Variants in GRIK1 observed in about 807,000 individuals in gnomAD.
The protein encoded by GRIK1 is glutamate ionotropic receptor kainate type subunit 1.
A neutral mutation model predicts 105.7 loss-of-function variants in GRIK1; 69 were observed. That is an observed-to-expected ratio of 0.65 (90% CI 0.54 to 0.80). The LOEUF (loss-of-function observed/expected upper bound fraction) is 0.80, where lower values mean the gene tolerates loss of function less well. Ranked by LOEUF, GRIK1 falls within the 30% of genes least tolerant of loss-of-function variation. The probability of loss-of-function intolerance (pLI) is 0.00; values close to 1 mark genes in which losing one functional copy is unlikely to be tolerated. For synonymous variants in GRIK1, 438 were observed against 431.3 expected, an observed-to-expected ratio of 1.02 and a Z score of -0.19; for missense variants, 1,109 against 1,167.3, an observed-to-expected ratio of 0.95 and a Z score of 0.73.
intron 16 of GRIK1, among the ~76,000 whole-genome samples, chr21:29,544,883 A>G (rs908362655): frequency 6.6e-6 from 1 of 152,196 alleles, no homozygotes; most frequent in Admixed American, 6.5e-5. Context: ...GCCAAGGGAG[A>G]TCTGAGGAGG....
chr21:29,686,576 T>A (rs2063490098), intron 3 of GRIK1, among the ~76,000 whole-genome samples: 1 of 152,242 alleles, frequency 6.6e-6, no homozygotes, highest in South Asian at 2.1e-4. Flanking sequence ...AGGCCAAACC[T>A]AGCCCAGCAT....
intron 1 of GRIK1, among the ~76,000 whole-genome samples, chr21:29,702,400 TG>T (rs1233283454): frequency 2.0e-5 from 3 of 152,106 alleles, no homozygotes; most frequent in Admixed American, 6.5e-5. Flanking sequence ...GATAGAAATT[TG>T]GGAGTCACCA....
chr21:29,681,391 A>G (rs1026105087), intron 3 of GRIK1, among the ~76,000 whole-genome samples: 1 of 150,776 alleles, frequency 6.6e-6, no homozygotes, highest in African/African-American at 2.4e-5. Flanking sequence ...CGTCTCTTCT[A>G]TCTCCCCTCC....
chr21:29,862,723 A>G (rs2068686466), intron 1 of GRIK1, among the ~76,000 whole-genome samples: 1 of 152,258 alleles, frequency 6.6e-6, no homozygotes, highest in African/African-American at 2.4e-5. Context: ...AAGCAATAGC[A>G]AACATTCAGT....
At chr21:29,690,133 T>C (rs1368150421) in intron 2 of GRIK1, 148 bp from the exon 3 acceptor site, 1 of 673,790 alleles carries the variant, frequency 1.5e-6, no homozygotes, top group Non-Finnish European at 2.5e-6. Context: ...TGTCTGCATA[T>C]TGAGGAAATA....
At chr21:29,829,014 G>A (rs1263302416) in intron 1 of GRIK1, among the ~76,000 whole-genome samples, 1 of 152,010 alleles carries the variant, frequency 6.6e-6, no homozygotes, top group Non-Finnish European at 1.5e-5. Flanking sequence ...AAATTTCAGG[G>A]GTCTACTGCC....
chr21:29,594,843 T>C (rs2243508), intron 9 of GRIK1, among the ~76,000 whole-genome samples: 75,868 of 151,980 alleles, frequency 0.5, 21,387 homozygotes, highest in African/African-American at 0.76. Context: ...ACAAATATTT[T>C]AGTGAGGGAT....
Position 29,541,575 on chromosome 21 carries a change from CTT to C in GRIK1, c.2608-3693_2608-3692del, listed in dbSNP as rs34910439. Among the ~76,000 whole-genome samples, 546 of 95,938 alleles carry C rather than the reference CTT, an allele frequency of 5.7e-3. 7 individuals carry two copies. Among genetic ancestry groups the C allele is most frequent in the East Asian group, 0.017 (55 of 3,152 alleles). 62.9% of individuals were successfully genotyped at this position (95,938 alleles called of 152,430 possible). On this transcript the variant is annotated intron_variant, in intron 16 of 17. Transcript: ENST00000327783. ...CTATGCCATTCATTGCACTCACGGTCTTTTTTTTTTTTTTTTTTTTTGTGGGA... is the reference window on the plus strand; with the variant it reads ...CTATGCCATTCATTGCACTCACGGTCTTTTTTTTTTTTTTTTTTTGTGGGA...
intron 1 of GRIK1, among the ~76,000 whole-genome samples, chr21:29,739,669 T>C (rs2146932086): frequency 6.6e-6 from 1 of 152,308 alleles, no homozygotes; most frequent in African/African-American, 2.4e-5. Context: ...TTTTGAACAA[T>C]ATGTAAACAA....
intron 1 of GRIK1, among the ~76,000 whole-genome samples, chr21:29,855,810 G>A (rs1034819080): frequency 2.0e-5 from 3 of 152,268 alleles, no homozygotes; most frequent in African/African-American, 7.2e-5. Flanking sequence ...TAACTGATTG[G>A]TGATGTTTTT....
intron 1 of GRIK1, among the ~76,000 whole-genome samples, chr21:29,889,140 A>T (rs573267650): frequency 9.8e-4 from 150 of 152,328 alleles, no homozygotes; most frequent in Non-Finnish European, 1.7e-3. Flanking sequence ...AGTATACCAG[A>T]CATTTTTGAC....
intron 1 of GRIK1, among the ~76,000 whole-genome samples, chr21:29,720,441 T>G (rs2064290799): frequency 6.6e-6 from 1 of 152,166 alleles, no homozygotes; most frequent in South Asian, 2.1e-4. Flanking sequence ...GCACTAGATT[T>G]AGCTTGTTCG....
rs2089890865 is a variant in GRIK1 at position 29,537,095 on chromosome 21, A to AT, written c.*134dup. ...CTATGTGAGCTTTTTAAACTTTTGTATTTCTTATATCTGTATTCATAATCA... is the reference window on the plus strand; with the variant it reads ...CTATGTGAGCTTTTTAAACTTTTGTATTTTCTTATATCTGTATTCATAATCA... On this transcript the variant is annotated 3_prime_UTR_variant, in exon 18 of 18. Transcript: ENST00000327783. 2.1e-6 allele frequency: 1 copy of AT among 471,390 alleles called. No individual in the cohort carries two copies. Among genetic ancestry groups the AT allele is most frequent in the Non-Finnish European group, 3.6e-6 (1 of 278,028 alleles). The allele number at this position is 471,390 out of a possible 1,614,324, so 29.2% of individuals were successfully genotyped here. A position where few individuals can be genotyped will look rare whatever the true frequency, so the allele number is the denominator to read the frequency against.
chr21:29,561,989 A>C, intron 14 of GRIK1, 140 bp from the exon 15 acceptor site: 2 of 629,718 alleles, frequency 3.2e-6, no homozygotes, highest in Non-Finnish European at 5.7e-6. Context: ...TGATGATCTC[A>C]AGGCTTCACT....
intron 10 of GRIK1, among the ~76,000 whole-genome samples, chr21:29,589,905 G>A (rs906222960): frequency 6.6e-6 from 1 of 151,934 alleles, no homozygotes; most frequent in African/African-American, 2.4e-5. Context: ...TATTCCAAAG[G>A]CCATTTCTAT....
chr21:29,698,788 C>T (rs1180127391), intron 1 of GRIK1, among the ~76,000 whole-genome samples: 6 of 151,906 alleles, frequency 3.9e-5, no homozygotes, highest in East Asian at 1.9e-4. Flanking sequence ...CCACCATTGT[C>T]GAAGCAAAGG....
At chr21:29,706,109 G>C (rs2063902634) in intron 1 of GRIK1, among the ~76,000 whole-genome samples, 1 of 152,034 alleles carries the variant, frequency 6.6e-6, no homozygotes, top group Non-Finnish European at 1.5e-5. Flanking sequence ...CCTGACCTCA[G>C]ATGATCTGTC....
At chr21:29,711,879 A>G (rs2064058052) in intron 1 of GRIK1, among the ~76,000 whole-genome samples, 1 of 151,946 alleles carries the variant, frequency 6.6e-6, no homozygotes, top group Non-Finnish European at 1.5e-5. Flanking sequence ...TAGCTCAAGT[A>G]TGTTACTGAA....
chr21:29,912,527 C>A (rs2070855029), intron 1 of GRIK1, among the ~76,000 whole-genome samples: 1 of 152,108 alleles, frequency 6.6e-6, no homozygotes. Context: ...ATAAACCTGT[C>A]TTTGACTATT....
Sources: gnomAD v4.1 joint callset for allele counts (sites outside exome capture counted in the v4.1 genomes callset) on GRCh38, gnomAD v4.1.1 for gene constraint, MANE v1.5 for transcripts, NCBI Gene and HGNC (gene_info 2026-07-23, HGNC 2026-07-21) for gene names.